Variants in TTC6 observed in about 807,000 individuals in gnomAD.
The protein encoded by TTC6 is tetratricopeptide repeat domain 6, also known as tetratricopeptide repeat protein 6.
A neutral mutation model predicts 210.4 loss-of-function variants in TTC6; 172 were observed. The observed-to-expected ratio is 0.82, with a 90% CI of 0.72 to 0.93. The LOEUF is 0.93. Ranked by LOEUF, TTC6 falls within the 40% of genes least tolerant of loss-of-function variation. TTC6 has a pLI of 0.00. For missense variants in TTC6, 2,414 were observed against 2,318.1 expected (o/e 1.04, Z -0.85); for synonymous variants, 804 against 819.6 (o/e 0.98, Z 0.32).
intron 26 of TTC6, among the ~76,000 whole-genome samples, chr14:37,822,563 T>C (rs1821039646): frequency 6.6e-6 from 1 of 152,246 alleles, no homozygotes; most frequent in Admixed American, 6.5e-5. Flanking sequence ...CTAGGTGTTC[T>C]TCACATGTTC....
intron 7 of TTC6, among the ~76,000 whole-genome samples, chr14:37,732,981 C>T (rs988764812): frequency 3.3e-5 from 5 of 152,094 alleles, no homozygotes; most frequent in African/African-American, 4.8e-5. Flanking sequence ...ACAGGGGTGG[C>T]AGAGGTGGAA....
At chr14:37,762,832 C>A (rs2095988259) in intron 14 of TTC6, among the ~76,000 whole-genome samples, 2 of 151,552 alleles carry the variant, frequency 1.3e-5, no homozygotes, top group Non-Finnish European at 2.9e-5. Context: ...AGGATTAATC[C>A]CGCTTGATCG....
At chr14:37,693,853 A>G (rs1473916979) in intron 3 of TTC6, among the ~76,000 whole-genome samples, 1 of 152,138 alleles carries the variant, frequency 6.6e-6, no homozygotes, top group Non-Finnish European at 1.5e-5. Context: ...TCAATAAGTG[A>G]TGCTGGGAAA....
In TTC6 at chr14:37,696,852, T is replaced by C; in HGVS notation, c.1376+17T>C. 5.1e-6 allele frequency: 6 copies of C among 1,187,010 alleles called. No homozygotes were observed. Among genetic ancestry groups the C allele is most frequent in the Non-Finnish European group, 6.6e-6 (6 of 910,456 alleles). The allele number at this position is 1,187,010 out of a possible 1,614,324, so 73.5% of individuals were successfully genotyped here. ...ACATAAAAAGTAATTTTCTTAAATTTATAATTTTTCTATTGGGAGAGGAGT... is the reference window on the plus strand; with the variant it reads ...ACATAAAAAGTAATTTTCTTAAATTCATAATTTTTCTATTGGGAGAGGAGT... On this transcript the variant is annotated intron_variant, in intron 4 of 30. Coordinates refer to ENST00000553443, the Ensembl canonical transcript of TTC6.
At chr14:37,784,756 G>T (rs1356671648) in intron 14 of TTC6, among the ~76,000 whole-genome samples, 1 of 152,124 alleles carries the variant, frequency 6.6e-6, no homozygotes, top group South Asian at 2.1e-4. Flanking sequence ...GCAGTGGCTG[G>T]TACTGGTTGT....
At chr14:37,784,952 C>T in intron 14 of TTC6, among the ~76,000 whole-genome samples, 1 of 152,172 alleles carries the variant, frequency 6.6e-6, no homozygotes, top group East Asian at 1.9e-4. Context: ...TATTGGCCCC[C>T]ACTCTCTTCT....
intron 10 of TTC6, among the ~76,000 whole-genome samples, chr14:37,739,968 C>T (rs1319870537): frequency 7.2e-5 from 11 of 151,944 alleles, no homozygotes; most frequent in South Asian, 6.2e-4. Flanking sequence ...TCGAGACCAT[C>T]GTGGCTAACG....
chr14:37,709,207 C>T (rs1280354927), intron 5 of TTC6, among the ~76,000 whole-genome samples: 1 of 152,014 alleles, frequency 6.6e-6, no homozygotes, highest in Non-Finnish European at 1.5e-5. Context: ...ACGTAAGAAT[C>T]ACTGTGTGAG....
Position 37,696,744 on chromosome 14 carries a change from G to T in TTC6, c.1285G>T (p.Glu429Ter). 6.8e-7 allele frequency: 1 copy of T among 1,464,746 alleles called. No homozygotes were observed. The allele number at this position is 1,464,746 out of a possible 1,614,324, so 90.7% of individuals were successfully genotyped here. A position where few individuals can be genotyped will look rare whatever the true frequency, so the allele number is the denominator to read the frequency against. ...AAAATCACCAGAATTCTTGCAAATC[G>T]AAGGAAAAGAAATTAAGCGAATGCG... is the stretch of plus-strand genomic sequence containing the variant. Residue 429 changes from glutamate to a stop codon, truncating the protein, a stop_gained, in exon 4 of 31, where the codon GAA (glutamate) becomes TAA (stop). Transcript: ENST00000553443. LOFTEE classifies it high-confidence loss of function.
intron 10 of TTC6, among the ~76,000 whole-genome samples, chr14:37,742,997 G>T (rs1223566987): frequency 6.6e-6 from 1 of 152,100 alleles, no homozygotes; most frequent in Non-Finnish European, 1.5e-5. Flanking sequence ...TTATATCAAC[G>T]ATATATTGAG....
intron 5 of TTC6, among the ~76,000 whole-genome samples, chr14:37,704,163 T>C (rs1376140528): frequency 1.3e-5 from 2 of 152,146 alleles, no homozygotes; most frequent in Non-Finnish European, 2.9e-5. Flanking sequence ...AATAGCTTAC[T>C]GTAACCTTGA....
intron 14 of TTC6, among the ~76,000 whole-genome samples, chr14:37,764,001 A>C (rs895650819): frequency 6.6e-6 from 1 of 151,766 alleles, no homozygotes; most frequent in Non-Finnish European, 1.5e-5. Flanking sequence ...ATTACCTTTC[A>C]TTTGTCTCAA....
chr14:37,637,645 AAG>A (rs2095683588), intron 1 of TTC6, among the ~76,000 whole-genome samples: 1 of 152,314 alleles, frequency 6.6e-6, no homozygotes, highest in African/African-American at 2.4e-5. Context: ...GAGGAAAAAA[AAG>A]AGAAAAAAAT....
At chr14:37,778,676 G>A (rs980528313) in intron 14 of TTC6, among the ~76,000 whole-genome samples, 2 of 152,074 alleles carry the variant, frequency 1.3e-5, no homozygotes, top group African/African-American at 4.8e-5. Context: ...ATCTGGAACT[G>A]CTCTGCTGGA....
chr14:37,603,323 A>G (rs149476519), intron 1 of TTC6, among the ~76,000 whole-genome samples: 1 of 152,286 alleles, frequency 6.6e-6, no homozygotes, highest in East Asian at 1.9e-4. Context: ...TTGTAGGAAC[A>G]AAGTCTGGAG....
chr14:37,797,594 G>A (rs559467310), intron 20 of TTC6, among the ~76,000 whole-genome samples: 1 of 151,394 alleles, frequency 6.6e-6, no homozygotes, highest in Non-Finnish European at 1.5e-5. Flanking sequence ...CTCGTCTTTT[G>A]TCTCTGTGGT....
At chr14:37,761,112 G>A (rs137902835) in intron 14 of TTC6, among the ~76,000 whole-genome samples, 1 of 152,272 alleles carries the variant, frequency 6.6e-6, no homozygotes, top group Non-Finnish European at 1.5e-5. Context: ...CAGCCACCCA[G>A]TTTTGTGCTT....
chr14:37,786,479 G>T (rs146961357), intron 14 of TTC6, among the ~76,000 whole-genome samples: 112 of 152,318 alleles, frequency 7.4e-4, no homozygotes, highest in African/African-American at 2.5e-3. Flanking sequence ...TTGGAAAAGC[G>T]CAGTATTAGG....
At position 37,725,202 on chromosome 14, in the gene TTC6, T is replaced by C. The variant is rs1799439343; in HGVS notation, c.1818+200T>C. On this transcript the variant is annotated intron_variant, in intron 7 of 30. Coordinates refer to ENST00000553443, the Ensembl canonical transcript of TTC6. The stretch of plus-strand genomic sequence containing the variant: ...GTATGTATGTATACAAATATATACC[T>C]ACATACTTATAAATTTATAATTTTA... Among the ~76,000 whole-genome samples, 5 of 148,746 alleles carry C rather than the reference T, an allele frequency of 3.4e-5. No individual in the cohort carries two copies. In the South Asian group the frequency reaches 1.1e-3, roughly 31 times the overall value.
Sources: gnomAD v4.1 joint callset for allele counts (sites outside exome capture counted in the v4.1 genomes callset) on GRCh38, gnomAD v4.1.1 for gene constraint, MANE v1.5 for transcripts, NCBI Gene and HGNC (gene_info 2026-07-23, HGNC 2026-07-21) for gene names.